Variants in PICALM observed in about 807,000 individuals in gnomAD.
PICALM encodes phosphatidylinositol-binding clathrin assembly protein.
PICALM carries 40 observed loss-of-function variants against 80.5 expected under a neutral mutation model. The observed-to-expected ratio is 0.50, with a 90% confidence interval of 0.39 to 0.65. PICALM has a LOEUF of 0.65. Ranked by LOEUF, PICALM falls within the 30% of genes least tolerant of loss-of-function variation. The pLI, the probability that PICALM is intolerant of heterozygous loss-of-function variation, is 0.00. For synonymous variants in PICALM, 288 were observed against 260.3 expected (o/e 1.11, Z -1.02); for missense variants, 676 against 778.9 (o/e 0.87, Z 1.57).
At chr11:86,028,333 G>T (rs562923762) in intron 2 of PICALM, among the ~76,000 whole-genome samples, 1 of 152,080 alleles carries the variant, frequency 6.6e-6, no homozygotes, top group African/African-American at 2.4e-5. Context: ...TGTGGAAGGT[G>T]GGTGATTAGG....
intron 3 of PICALM, among the ~76,000 whole-genome samples, chr11:86,022,691 T>C (rs1379714412): frequency 6.6e-6 from 1 of 151,978 alleles, no homozygotes; most frequent in African/African-American, 2.4e-5. Context: ...TCCTATGTAG[T>C]TTTAAAAAAA....
intron 3 of PICALM, among the ~76,000 whole-genome samples, chr11:86,024,501 C>T (rs1287405084): frequency 6.7e-6 from 1 of 149,318 alleles, no homozygotes; most frequent in East Asian, 2.0e-4. Context: ...TAACTCTACA[C>T]TAGATAACCA....
At chr11:86,049,450 C>A (rs2096139208) in intron 1 of PICALM, among the ~76,000 whole-genome samples, 2 of 152,230 alleles carry the variant, frequency 1.3e-5, no homozygotes, top group African/African-American at 4.8e-5. Flanking sequence ...AATCTTCACA[C>A]TGATCTTATA....
chr11:85,988,346 G>C (rs2094644606), intron 13 of PICALM, among the ~76,000 whole-genome samples: 1 of 152,028 alleles, frequency 6.6e-6, no homozygotes, highest in South Asian at 2.1e-4. Flanking sequence ...GGCAAATGAA[G>C]TTAGGCAAAA....
intron 4 of PICALM, among the ~76,000 whole-genome samples, chr11:86,021,953 GT>G (rs1482237869): frequency 1.3e-5 from 2 of 152,182 alleles, no homozygotes; most frequent in Non-Finnish European, 2.9e-5. Flanking sequence ...TATATGAAAT[GT>G]TCAGAATAGA....
chr11:85,997,875 T>G (rs1012678754), intron 11 of PICALM, among the ~76,000 whole-genome samples: 3 of 151,284 alleles, frequency 2.0e-5, no homozygotes, highest in Non-Finnish European at 4.4e-5. Context: ...CTCCACCTCC[T>G]GGGTTCCAGT....
In PICALM at chr11:85,975,444, A is replaced by G. The variant is rs546387389; in HGVS notation, c.1840-632T>C. On this transcript the variant is annotated intron_variant, in intron 18 of 19. Coordinates refer to ENST00000393346, the MANE Select transcript of PICALM (RefSeq NM_007166.4). ...CTAGTAAGTGACAATACCTAGTGTA[A>G]AAATAATGCACAAACAGAATACTGT... 2.6e-5 allele frequency among the ~76,000 whole-genome samples: 4 copies of G among 152,266 alleles called. No homozygotes were observed. The South Asian group carries it at 8.3e-4, about 32-fold the overall frequency.
intron 12 of PICALM, among the ~76,000 whole-genome samples, chr11:85,994,967 G>C (rs1020940923): frequency 1.3e-5 from 2 of 152,198 alleles, no homozygotes; most frequent in Non-Finnish European, 2.9e-5. Context: ...GCTTCCCAAA[G>C]TACTGGGATT....
rs374615922 is a variant in PICALM at position 85,981,164 on chromosome 11, C to A, written c.1744G>T (p.Val582Phe). The change falls in exon 17 of 20, where the codon GTT (valine) becomes TTT (phenylalanine). Residue 582 changes from valine to phenylalanine, a missense_variant. Physicochemically the swap from Val to Phe is conservative, Grantham distance 50. Coordinates refer to ENST00000393346, the MANE Select transcript of PICALM (RefSeq NM_007166.4). ...LTGGSNWQPK[V>F]APTTAWNAAT... ...GCATTCCAAGCGGTTGTTGGTGCAACCTTTGGTTGCCAGTTAGATCCCCCA... is the reference window on the plus strand; with the variant it reads ...GCATTCCAAGCGGTTGTTGGTGCAAACTTTGGTTGCCAGTTAGATCCCCCA... 2 of 1,608,494 alleles carry A rather than the reference C, an allele frequency of 1.2e-6. No homozygotes were observed. Among genetic ancestry groups the A allele is most frequent in the Non-Finnish European group, 8.5e-7 (1 of 1,174,890 alleles).
intron 1 of PICALM, among the ~76,000 whole-genome samples, chr11:86,035,702 G>A (rs478711): frequency 0.5 from 75,209 of 151,438 alleles, 19,072 homozygotes; most frequent in East Asian, 0.6. Flanking sequence ...CAGCACTTTC[G>A]GAGGCCGAGG....
At chr11:85,992,790 T>C (rs1349892300) in intron 12 of PICALM, among the ~76,000 whole-genome samples, 1 of 152,268 alleles carries the variant, frequency 6.6e-6, no homozygotes, top group African/African-American at 2.4e-5. Context: ...AGTCATCCGC[T>C]GTTCTACTGA....
At chr11:85,985,826 A>C (rs2094556249) in intron 13 of PICALM, among the ~76,000 whole-genome samples, 1 of 152,226 alleles carries the variant, frequency 6.6e-6, no homozygotes, top group South Asian at 2.1e-4. Flanking sequence ...CTTTTAGATT[A>C]TATATGGAAC....
At chr11:85,995,426 G>C (rs190370160) in intron 12 of PICALM, among the ~76,000 whole-genome samples, 103 of 152,248 alleles carry the variant, frequency 6.8e-4, no homozygotes, top group African/African-American at 2.3e-3. Flanking sequence ...AAATTACTTA[G>C]AATTGTTCTT....
At chr11:86,067,852 T>C (rs1208557897) in intron 1 of PICALM, among the ~76,000 whole-genome samples, 2 of 152,042 alleles carry the variant, frequency 1.3e-5, no homozygotes, top group Non-Finnish European at 2.9e-5. Flanking sequence ...AGTCACAAAC[T>C]CACCCCAGTC....
chr11:85,976,834 G>A, intron 17 of PICALM, 152 bp from the exon 18 acceptor site: 1 of 527,080 alleles, frequency 1.9e-6, no homozygotes, highest in Non-Finnish European at 3.5e-6. Context: ...GTCGATTAAT[G>A]GTCAGTGAAA....
intron 5 of PICALM, among the ~76,000 whole-genome samples, 185 bp from the exon 6 acceptor site, chr11:86,012,577 TTTA>T (rs2095417026): frequency 6.6e-6 from 1 of 152,238 alleles, no homozygotes; most frequent in South Asian, 2.1e-4. Context: ...ATGAACATTA[TTTA>T]TTATTATTAA....
intron 5 of PICALM, among the ~76,000 whole-genome samples, chr11:86,014,436 G>C (rs1038619232): frequency 1.3e-5 from 2 of 152,150 alleles, no homozygotes; most frequent in African/African-American, 4.8e-5. Context: ...CAATGCCCTT[G>C]GGCAATAGCT....
intron 12 of PICALM, among the ~76,000 whole-genome samples, chr11:85,991,843 G>T (rs1162995011): frequency 1.3e-5 from 2 of 152,204 alleles, no homozygotes; most frequent in East Asian, 3.9e-4. Flanking sequence ...GTTGCAGGGG[G>T]GCACGGTGGG....
intron 12 of PICALM, among the ~76,000 whole-genome samples, chr11:85,996,375 T>C (rs567340303): frequency 2.6e-5 from 4 of 152,216 alleles, no homozygotes; most frequent in South Asian, 2.1e-4. Flanking sequence ...GTCGAGACAA[T>C]TATGGTCACA....
Sources: gnomAD v4.1 joint callset for allele counts (sites outside exome capture counted in the v4.1 genomes callset) on GRCh38, gnomAD v4.1.1 for gene constraint, MANE v1.5 for transcripts, NCBI Gene and HGNC (gene_info 2026-07-23, HGNC 2026-07-21) for gene names.